The following NRBP1 variants were observed in gnomAD, a reference collection of about 807,000 sequenced individuals.
The protein encoded by NRBP1 is nuclear receptor-binding protein.
In NRBP1, 10 loss-of-function variants were observed where a neutral mutation model predicts 76.0. The observed-to-expected ratio is 0.13, with a 90% confidence interval of 0.08 to 0.22. NRBP1 has a LOEUF of 0.22. Among genes scored for constraint, NRBP1 ranks in the 10% least tolerant of loss-of-function variants. The pLI is 1.00. For synonymous variants in NRBP1, 235 were observed against 240.2 expected (o/e 0.98, Z 0.20); for missense variants, 344 against 646.0 (o/e 0.53, Z 5.07).
chr2:27,430,775 A>G (rs1664083203), intron 1 of NRBP1, among the ~76,000 whole-genome samples: 1 of 152,036 alleles, frequency 6.6e-6, no homozygotes, highest in Non-Finnish European at 1.5e-5. Context: ...TATCTCTTTC[A>G]TACTGTAGAG....
In NRBP1 at chr2:27,430,615, G is replaced by A. The variant is rs569488951; in HGVS notation, c.-21+1884G>A. On this transcript the variant is annotated intron_variant, in intron 1 of 17. Transcript: ENST00000379852. ...TCTTGAATAAGCTGGAATTATAGAC[G>A]TGCGCCACCACACCCTGCTAATTTT... Among the ~76,000 whole-genome samples the A allele has an allele frequency of 2.6e-5, 4 of 151,910 alleles. No individual in the cohort carries two copies. The South Asian group carries it at 8.3e-4, about 32-fold the overall frequency.
In NRBP1 at chr2:27,437,066, A is replaced by C; in HGVS notation, c.765A>C (p.Thr255=). ...PEYGEVTNVT[T]AVDIYSFGMC... is the part of the protein sequence containing the mutation. ...CCCTAGAAGTCACTAATGTGACAAC[A>C]GCAGTGGACATCTACTCCTTTGGCA... Residue 255 remains threonine, a synonymous_variant, in exon 9 of 18, where the codon ACA becomes ACC. Coordinates refer to ENST00000379852, the MANE Select transcript of NRBP1 (RefSeq NM_013392.4). 1 of 1,613,792 alleles carries C rather than the reference A, an allele frequency of 6.2e-7. No individual in the cohort carries two copies. Among genetic ancestry groups the C allele is most frequent in the Non-Finnish European group, 8.5e-7 (1 of 1,179,886 alleles).
intron 14 of NRBP1, 71 bp from the exon 15 acceptor site, chr2:27,441,056 G>C: frequency 1.2e-6 from 2 of 1,608,648 alleles, no homozygotes; most frequent in Non-Finnish European, 1.7e-6. Context: ...TGCCCTATGG[G>C]CTCGAAAGAC....
chr2:27,436,712 A>G, intron 7 of NRBP1, 41 bp from the exon 8 acceptor site: 2 of 1,562,054 alleles, frequency 1.3e-6, no homozygotes, highest in Non-Finnish European at 1.8e-6. Flanking sequence ...ACTATTCTTC[A>G]TTGATGATGG....
chr2:27,432,153 A>T (rs1182341778), intron 1 of NRBP1, among the ~76,000 whole-genome samples: 1 of 152,186 alleles, frequency 6.6e-6, no homozygotes, highest in Non-Finnish European at 1.5e-5. Flanking sequence ...CCGTCCACAC[A>T]TAGCTTAATT....
intron 9 of NRBP1, 77 bp downstream of exon 9, chr2:27,437,182 G>A: frequency 1.3e-6 from 2 of 1,579,228 alleles, no homozygotes; most frequent in Non-Finnish European, 8.7e-7. Flanking sequence ...GACAAGTAAG[G>A]CGCTGGCTTG....
chr2:27,437,477 C>A, intron 10 of NRBP1, 117 bp downstream of exon 10: 1 of 729,634 alleles, frequency 1.4e-6, no homozygotes, highest in Non-Finnish European at 2.3e-6. Flanking sequence ...ACAGAAAGGA[C>A]ACGAAAAATC....
intron 7 of NRBP1, chr2:27,435,877 G>A: frequency 2.9e-6 from 2 of 695,020 alleles, no homozygotes; most frequent in Non-Finnish European, 5.3e-6. Flanking sequence ...TGCCTGCTTA[G>A]CTTCTGCCCT....
At chr2:27,441,403 G>A in intron 16 of NRBP1, 73 bp downstream of exon 16, 1 of 1,491,058 alleles carries the variant, frequency 6.7e-7, no homozygotes, top group Non-Finnish European at 9.4e-7. Context: ...TCAGGGGTGG[G>A]GGAGGTGACA....
At chr2:27,437,528 TAGAAACACAC>T (rs1664352994) in intron 10 of NRBP1, among the ~76,000 whole-genome samples, 168 bp downstream of exon 10, 1 of 152,172 alleles carries the variant, frequency 6.6e-6, no homozygotes, top group South Asian at 2.1e-4. Context: ...TGTTTTTGCA[TAGAAACACAC>T]AGGTAAGGGG....
At chr2:27,435,366 A>T in intron 7 of NRBP1, 139 bp downstream of exon 7, 1 of 659,520 alleles carries the variant, frequency 1.5e-6, no homozygotes, top group Non-Finnish European at 2.6e-6. Flanking sequence ...TGCTAGGAGT[A>T]ATTAATAGGA....
chr2:27,441,112 C>T lies in NRBP1; in HGVS notation c.1330-15C>T, dbSNP rs776268267. On this transcript the variant is annotated splice_polypyrimidine_tract_variant and intron_variant, in intron 14 of 17. Coordinates refer to ENST00000379852, the MANE Select transcript of NRBP1 (RefSeq NM_013392.4). ...ATGGACAGGTCTCTAGAGTGACCCT[C>T]TCTTCCCTCCCTAGGTGGTGCTGAT... 6.2e-7 allele frequency: 1 copy of T among 1,612,916 alleles called. No individual in the cohort carries two copies. The highest frequency in any genetic ancestry group is 1.1e-5 in the South Asian group (1 of 91,032).
intron 7 of NRBP1, 119 bp downstream of exon 7, chr2:27,435,346 G>A: frequency 1.3e-6 from 1 of 758,560 alleles, no homozygotes; most frequent in Non-Finnish European, 2.2e-6. Context: ...GGTGAGAAGA[G>A]AAAGGACCTT....
At chr2:27,433,887 A>G (rs1372050699) in intron 3 of NRBP1, 92 bp downstream of exon 3, 1 of 1,605,046 alleles carries the variant, frequency 6.2e-7, no homozygotes, top group Non-Finnish European at 8.5e-7. Flanking sequence ...TGAGGAGAGT[A>G]TGTTGGGGTT....
In NRBP1 at chr2:27,440,429, G is replaced by A; in HGVS notation, c.1063G>A (p.Glu355Lys). The A allele has an allele frequency of 1.2e-6, 2 of 1,613,594 alleles. No individual in the cohort carries two copies. Among genetic ancestry groups the A allele is most frequent in the South Asian group, 2.2e-5 (2 of 91,056 alleles). Residue 355 changes from glutamate to lysine, a missense_variant, in exon 12 of 18, where the codon GAG (glutamate) becomes AAG (lysine). Coordinates refer to ENST00000379852, the MANE Select transcript of NRBP1 (RefSeq NM_013392.4). ...QHMIPENALE[E>K]ITKNMDTSAV... The stretch of plus-strand genomic sequence containing the variant: ...CATGATCCCAGAGAACGCTCTAGAG[G>A]AGATCACCAAAAACATGGATACTAG...
intron 1 of NRBP1, chr2:27,429,084 A>C (rs1663995486): frequency 5.9e-6 from 1 of 170,172 alleles, no homozygotes; most frequent in African/African-American, 2.4e-5. Context: ...CGGCCTGCGG[A>C]AGCTCGGCGG....
chr2:27,436,619 G>A, intron 7 of NRBP1, 134 bp from the exon 8 acceptor site: 2 of 703,128 alleles, frequency 2.8e-6, no homozygotes, highest in South Asian at 3.3e-5. Flanking sequence ...ACAGGAAAGG[G>A]AATATGTTTG....
intron 1 of NRBP1, 85 bp from the exon 2 acceptor site, chr2:27,433,169 A>G (rs809673): frequency 0.4 from 389,932 of 963,396 alleles, 83,755 homozygotes; most frequent in African/African-American, 0.67. Context: ...ATGAGCCACC[A>G]CGTCCAGCCT....
chr2:27,438,822 G>A (rs1419508137), intron 10 of NRBP1, among the ~76,000 whole-genome samples: 2 of 152,138 alleles, frequency 1.3e-5, no homozygotes, highest in African/African-American at 4.8e-5. Context: ...ATCTGGGTAT[G>A]GTGGCACATG....
Sources: allele counts gnomAD v4.1 joint callset (sites outside exome capture counted in the v4.1 genomes callset), GRCh38; gene constraint gnomAD v4.1.1; transcripts MANE v1.5; gene names NCBI Gene and HGNC (gene_info 2026-07-23, HGNC 2026-07-21).